The following RGS8 variants were observed in gnomAD, a reference collection of about 807,000 sequenced individuals.
RGS8 encodes the protein regulator of G protein signaling 8.
RGS8 carries 8 observed loss-of-function variants against 21.7 expected under a neutral mutation model. The observed-to-expected ratio is 0.37, with a 90% CI of 0.22 to 0.66. The LOEUF (loss-of-function observed/expected upper bound fraction) is 0.66. Among genes scored for constraint, RGS8 ranks in the 30% least tolerant of loss-of-function variants. The probability of loss-of-function intolerance (pLI) is 0.59; values close to 1 mark genes in which losing one functional copy is unlikely to be tolerated. For missense variants in RGS8, 157 were observed against 217.9 expected (o/e 0.72, Z 1.76); for synonymous variants, 80 against 83.6 (o/e 0.96, Z 0.24).
At chr1:182,731,005 CAG>C in the RGS8 span, among the ~76,000 whole-genome samples, 3 of 152,200 alleles carry the variant, frequency 2.0e-5, no homozygotes, top group African/African-American at 7.2e-5. Flanking sequence ...CTCCCTGCTG[CAG>C]AGAGATCCAC....
chr1:182,672,978 C>T, upstream of RGS8: 1 of 869,316 alleles, frequency 1.2e-6, no homozygotes, highest in Non-Finnish European at 1.9e-6. Flanking sequence ...ACCCCTAGAC[C>T]TACAGAATCA....
intron 5 of RGS8, among the ~76,000 whole-genome samples, chr1:182,661,013 G>A (rs572550497): frequency 1.3e-5 from 2 of 151,972 alleles, no homozygotes; most frequent in East Asian, 3.9e-4. Flanking sequence ...TCAACTGTAT[G>A]TTCTAGAGCT....
At chr1:182,719,625 T>A in the RGS8 span, among the ~76,000 whole-genome samples, 3 of 151,772 alleles carry the variant, frequency 2.0e-5, no homozygotes, top group African/African-American at 7.3e-5. Flanking sequence ...AGATGAGGTC[T>A]CACTATATTG....
chr1:182,653,266 G>T (rs1204816387), intron 5 of RGS8, among the ~76,000 whole-genome samples: 1 of 152,158 alleles, frequency 6.6e-6, no homozygotes, highest in Non-Finnish European at 1.5e-5. Flanking sequence ...GGTGGTGAAT[G>T]AGACTGAATG....
chr1:182,666,953 C>A (rs751078612), exon 4 of RGS8: 14 of 1,613,846 alleles, frequency 8.7e-6, no homozygotes, highest in Non-Finnish European at 9.3e-6. Flanking sequence ...GCATCCCAGT[C>A]GAGTCCTCAT....
intron 1 of RGS8, among the ~76,000 whole-genome samples, chr1:182,679,449 G>A (rs1476596799): frequency 6.6e-6 from 1 of 151,852 alleles, no homozygotes; most frequent in African/African-American, 2.4e-5. Context: ...CCTTCCCCTT[G>A]GTCTCCTTTG....
At chr1:182,742,048 C>A in the RGS8 span, among the ~76,000 whole-genome samples, 3 of 147,152 alleles carry the variant, frequency 2.0e-5, no homozygotes, top group Non-Finnish European at 4.5e-5. Context: ...CAGAGACGCT[C>A]CTCACATCCC....
upstream of RGS8, among the ~76,000 whole-genome samples, chr1:182,677,806 T>G (rs1033250960): frequency 6.6e-6 from 1 of 152,206 alleles, no homozygotes; most frequent in Non-Finnish European, 1.5e-5. Flanking sequence ...GAGGCTTTGG[T>G]GTCTAAGCCT....
chr1:182,676,468 T>A (rs944911539), upstream of RGS8, among the ~76,000 whole-genome samples: 12 of 152,192 alleles, frequency 7.9e-5, no homozygotes, highest in Non-Finnish European at 1.5e-4. Context: ...AATCAACATA[T>A]GCTGCATTGA....
At chr1:182,710,244 CA>C in the RGS8 span, among the ~76,000 whole-genome samples, 2 of 152,184 alleles carry the variant, frequency 1.3e-5, no homozygotes, top group African/African-American at 2.4e-5. Flanking sequence ...ATCAAATGAA[CA>C]AAGTGCAATT....
intron 5 of RGS8, among the ~76,000 whole-genome samples, chr1:182,657,434 C>T (rs1663340838): frequency 6.6e-6 from 1 of 152,166 alleles, no homozygotes; most frequent in Non-Finnish European, 1.5e-5. Context: ...ATTCGTGTCT[C>T]CCAGCATCTC....
upstream of RGS8, among the ~76,000 whole-genome samples, chr1:182,685,574 C>T (rs1307600335): frequency 6.6e-6 from 1 of 152,144 alleles, no homozygotes; most frequent in Non-Finnish European, 1.5e-5. Context: ...ACACAGCTAA[C>T]GATGGGAAGA....
the RGS8 span, among the ~76,000 whole-genome samples, chr1:182,705,459 C>T: frequency 6.6e-6 from 1 of 152,338 alleles, no homozygotes; most frequent in Admixed American, 6.5e-5. Flanking sequence ...CAGTCACACT[C>T]AGAAGTAATG....
the RGS8 span, among the ~76,000 whole-genome samples, chr1:182,745,120 A>G: frequency 6.6e-6 from 1 of 152,258 alleles, no homozygotes; most frequent in Non-Finnish European, 1.5e-5. Context: ...CTTCCTTTCA[A>G]GAATTTTGAG....
the RGS8 span, among the ~76,000 whole-genome samples, chr1:182,717,080 T>A: frequency 2.0e-5 from 3 of 152,256 alleles, no homozygotes; most frequent in Non-Finnish European, 4.4e-5. Flanking sequence ...TTACTATTAA[T>A]GACCAGCTCT....
At chr1:182,683,331 C>CAAG (rs1238754019) in intron 1 of RGS8, among the ~76,000 whole-genome samples, 2 of 152,166 alleles carry the variant, frequency 1.3e-5, no homozygotes, top group Non-Finnish European at 2.9e-5. Flanking sequence ...TAACTGTAAC[C>CAAG]AAGAACTACT....
intron 5 of RGS8, among the ~76,000 whole-genome samples, chr1:182,664,788 T>C (rs941941528): frequency 3.3e-5 from 5 of 152,252 alleles, no homozygotes; most frequent in Admixed American, 3.3e-4. Context: ...CTCACAAAAC[T>C]GCTTGCTACA....
At chr1:182,730,020 C>T in the RGS8 span, among the ~76,000 whole-genome samples, 1 of 152,170 alleles carries the variant, frequency 6.6e-6, no homozygotes, top group Non-Finnish European at 1.5e-5. Flanking sequence ...TAACTTCAGG[C>T]ATATAAGGGT....
the RGS8 span, among the ~76,000 whole-genome samples, chr1:182,727,787 C>T: frequency 6.6e-6 from 1 of 152,036 alleles, no homozygotes; most frequent in African/African-American, 2.4e-5. Flanking sequence ...GCATATTAAT[C>T]TGCATTCTTT....
Sources: gnomAD v4.1 joint callset for allele counts (sites outside exome capture counted in the v4.1 genomes callset) on GRCh38, gnomAD v4.1.1 for gene constraint, MANE v1.5 for transcripts, NCBI Gene and HGNC (gene_info 2026-07-23, HGNC 2026-07-21) for gene names.